SGCZ: variants seen among roughly 807,000 people sequenced by gnomAD.
SGCZ encodes the protein sarcoglycan zeta.
SGCZ carries 40 observed loss-of-function variants against 41.3 expected under a neutral mutation model. The observed-to-expected ratio is 0.97, with a 90% confidence interval of 0.75 to 1.26. The LOEUF (loss-of-function observed/expected upper bound fraction) is 1.26, where lower values mean the gene tolerates loss of function less well. SGCZ is among the 50% of genes most tolerant of loss of function. The pLI, the probability that SGCZ is intolerant of heterozygous loss-of-function variation, is 0.00. For missense variants in SGCZ, 552 were observed against 369.8 expected (o/e 1.49, Z -4.04); for synonymous variants, 206 against 137.5 (o/e 1.50, Z -3.49).
intron 1 of SGCZ, among the ~76,000 whole-genome samples, chr8:14,735,912 T>C (rs908896254): frequency 1.3e-5 from 2 of 152,078 alleles, no homozygotes; most frequent in African/African-American, 4.8e-5. Context: ...AAGCCATTCC[T>C]GACTGAGTGA....
At chr8:14,845,613 A>C (rs977831173) in intron 1 of SGCZ, among the ~76,000 whole-genome samples, 1 of 152,192 alleles carries the variant, frequency 6.6e-6, no homozygotes, top group Non-Finnish European at 1.5e-5. Context: ...ATATGTTGTA[A>C]AATTTATGTA....
intron 2 of SGCZ, among the ~76,000 whole-genome samples, chr8:14,415,650 C>A (rs1201817976): frequency 6.6e-6 from 1 of 152,000 alleles, no homozygotes; most frequent in East Asian, 1.9e-4. Context: ...TTTTAAATAA[C>A]TCCTTAAGAA....
chr8:14,444,187 A>C (rs1205641411), intron 2 of SGCZ, among the ~76,000 whole-genome samples: 1 of 152,150 alleles, frequency 6.6e-6, no homozygotes, highest in Non-Finnish European at 1.5e-5. Flanking sequence ...GTTGTGGAGA[A>C]ATAGGAACAC....
intron 1 of SGCZ, among the ~76,000 whole-genome samples, chr8:14,633,295 G>C (rs1263464201): frequency 1.3e-5 from 2 of 151,908 alleles, no homozygotes; most frequent in East Asian, 3.9e-4. Flanking sequence ...GACATAATGA[G>C]GTTTGAATTT....
At chr8:15,221,488 T>G (rs1180694403) in intron 1 of SGCZ, among the ~76,000 whole-genome samples, 1 of 152,156 alleles carries the variant, frequency 6.6e-6, no homozygotes, top group Non-Finnish European at 1.5e-5. Context: ...AGTTTCCAAA[T>G]TTTCACTGAA....
In SGCZ at chr8:14,930,128, T is replaced by G. The variant is rs1003387054; in HGVS notation, c.39+307457A>C. 7.2e-5 allele frequency among the ~76,000 whole-genome samples: 11 copies of G among 151,868 alleles called. No individual in the cohort carries two copies. In the East Asian group the frequency reaches 1.9e-3, roughly 27 times the overall value. On this transcript the variant is annotated intron_variant, in intron 1 of 7. Transcript: ENST00000382080. The stretch of plus-strand genomic sequence containing the variant: ...ATATTGTGAATTAAATGTAAGTTAT[T>G]TGAAATTTACAAGAAAAAAACAAAC...
intron 1 of SGCZ, among the ~76,000 whole-genome samples, chr8:14,878,258 A>C (rs1012863274): frequency 6.7e-6 from 1 of 150,032 alleles, no homozygotes; most frequent in African/African-American, 2.5e-5. Context: ...TTCGACACTT[A>C]CTATTCAGAA....
rs539945319 is a variant in SGCZ at position 14,576,823 on chromosome 8, T to C, written c.40-21897A>G. 8.2e-4 allele frequency among the ~76,000 whole-genome samples: 125 copies of C among 152,302 alleles called. 1 individual carries two copies. In the South Asian group the frequency reaches 0.025, roughly 31 times the overall value. ...TAATAGCTGCTCAACAGGTAATTCA[T>C]CTATCCCTACTTTTGGGTTTATAAG... On this transcript the variant is annotated intron_variant, in intron 1 of 7. Coordinates refer to ENST00000382080, the MANE Select transcript of SGCZ (RefSeq NM_139167.4).
intron 1 of SGCZ, among the ~76,000 whole-genome samples, chr8:14,928,836 G>A (rs186209538): frequency 1.3e-5 from 2 of 152,110 alleles, no homozygotes; most frequent in East Asian, 3.9e-4. Context: ...CAGACAAAAT[G>A]TGTTTATTTT....
intron 1 of SGCZ, among the ~76,000 whole-genome samples, chr8:15,189,104 C>T (rs1238395937): frequency 6.6e-6 from 1 of 152,058 alleles, no homozygotes; most frequent in Non-Finnish European, 1.5e-5. Flanking sequence ...AGGAAGATGG[C>T]CATACTTTCA....
intron 1 of SGCZ, among the ~76,000 whole-genome samples, chr8:15,226,815 G>A (rs1801788774): frequency 6.6e-6 from 1 of 150,808 alleles, no homozygotes; most frequent in African/African-American, 2.5e-5. Flanking sequence ...ACTTGGTCTA[G>A]GGTTCTAACA....
intron 1 of SGCZ, among the ~76,000 whole-genome samples, chr8:14,702,000 C>T (rs987484931): frequency 1.6e-4 from 25 of 152,046 alleles, no homozygotes; most frequent in African/African-American, 5.3e-4. Context: ...CACGCTCAAA[C>T]ATTTTTACAC....
At chr8:14,237,876 T>C (rs1460521903) in intron 3 of SGCZ, among the ~76,000 whole-genome samples, 197 bp from the exon 4 acceptor site, 1 of 152,220 alleles carries the variant, frequency 6.6e-6, no homozygotes, top group Non-Finnish European at 1.5e-5. Context: ...ACAGAATATT[T>C]CATTTTCATA....
chr8:14,257,202 C>G (rs560438668), intron 3 of SGCZ, among the ~76,000 whole-genome samples: 5 of 152,036 alleles, frequency 3.3e-5, no homozygotes, highest in Admixed American at 1.3e-4. Context: ...TGGTACACAC[C>G]TGTAGTCTCA....
chr8:15,146,613 T>C (rs1276278060), intron 1 of SGCZ, among the ~76,000 whole-genome samples: 2 of 152,254 alleles, frequency 1.3e-5, no homozygotes, highest in Non-Finnish European at 2.9e-5. Context: ...GTTATAATTT[T>C]GTTTTCTATA....
intron 1 of SGCZ, among the ~76,000 whole-genome samples, chr8:14,588,553 T>C (rs959221018): frequency 5.3e-5 from 8 of 152,086 alleles, no homozygotes; most frequent in African/African-American, 1.9e-4. Flanking sequence ...CAAAGCTACA[T>C]TACTTTCATG....
chr8:14,766,271 T>C (rs1361558730), intron 1 of SGCZ, among the ~76,000 whole-genome samples: 1 of 152,100 alleles, frequency 6.6e-6, no homozygotes, highest in Non-Finnish European at 1.5e-5. Context: ...GATAGGCATA[T>C]TTTTAAGGAA....
At chr8:14,204,422 T>C (rs188494897) in intron 4 of SGCZ, among the ~76,000 whole-genome samples, 23 of 152,268 alleles carry the variant, frequency 1.5e-4, no homozygotes, top group Admixed American at 3.9e-4. Flanking sequence ...AGGTCTACTA[T>C]GGGTGAATGT....
At chr8:14,632,754 T>G (rs914871346) in intron 1 of SGCZ, among the ~76,000 whole-genome samples, 1 of 152,122 alleles carries the variant, frequency 6.6e-6, no homozygotes, top group Admixed American at 6.6e-5. Context: ...CAATATTCTA[T>G]TTCTATATTG....
Sources: allele counts gnomAD v4.1 joint callset (sites outside exome capture counted in the v4.1 genomes callset), GRCh38; gene constraint gnomAD v4.1.1; transcripts MANE v1.5; gene names NCBI Gene and HGNC (gene_info 2026-07-23, HGNC 2026-07-21).